FHIP2B: variants seen among roughly 807,000 people sequenced by gnomAD.
FHIP2B encodes FHF complex subunit HOOK-interacting protein 2B.
FHIP2B carries 72 observed loss-of-function variants against 84.0 expected under a neutral mutation model. The observed-to-expected ratio is 0.86, with a 90% confidence interval of 0.71 to 1.04. The LOEUF (loss-of-function observed/expected upper bound fraction) is 1.04, where lower values mean the gene tolerates loss of function less well. Among genes scored for constraint, FHIP2B ranks in the 50% least tolerant of loss-of-function variants. FHIP2B has a pLI of 0.00. For synonymous variants in FHIP2B, 497 were observed against 418.7 expected (o/e 1.19, Z -2.28); for missense variants, 972 against 968.9 (o/e 1.00, Z -0.04).
chr8:22,100,603 A>G lies in FHIP2B; in HGVS notation c.1351A>G (p.Thr451Ala), dbSNP rs772947373. The change falls in exon 11 of 17, where the codon ACC becomes GCC. Residue 451 changes from threonine to alanine, a missense_variant. By Grantham distance (58) the Thr-to-Ala change is moderately conservative (BLOSUM62 0). Coordinates refer to ENST00000289921, the MANE Select transcript of FHIP2B (RefSeq NM_022749.7). ...CDHLSDEISI[T>A]TLRLFEELLQ... The stretch of plus-strand genomic sequence containing the variant: ...CCCCTTCCTGCTCCAGATCAGCATC[A>G]CCACACTCCGGCTGTTTGAGGAGCT... 5.8e-6 allele frequency: 9 copies of G among 1,555,220 alleles called. No individual in the cohort carries two copies. Among genetic ancestry groups the G allele is most frequent in the Non-Finnish European group, 7.8e-6 (9 of 1,151,254 alleles).
In FHIP2B at chr8:22,102,881, C is replaced by T. The variant is rs200666897; in HGVS notation, c.2182C>T (p.Pro728Ser). Residue 728 changes from proline (P) to serine (S), a missense_variant, in exon 17 of 17, where the codon CCA becomes TCA. Physicochemically the swap from Pro to Ser is moderately conservative, Grantham distance 74. Transcript: ENST00000289921. ...LAAIAFVKFP[P>S]HDPRQNVSPA... is the part of the protein sequence containing the mutation. The stretch of plus-strand genomic sequence containing the variant: ...TGCCATTGCCTTCGTCAAGTTTCCC[C>T]CACATGATCCTCGCCAGAACGTCTC... The T allele has an allele frequency of 5.6e-6, 9 of 1,613,796 alleles. No individual in the cohort carries two copies. The East Asian group carries it at 1.8e-4, about 32-fold the overall frequency.
chr8:22,097,997 C>G, intron 5 of FHIP2B, 71 bp from the exon 6 acceptor site: 1 of 1,527,952 alleles, frequency 6.5e-7, no homozygotes, highest in Admixed American at 2.0e-5. Context: ...GGCAGCCCAC[C>G]CTGCGGTCCC....
At position 22,100,854 on chromosome 8, in the gene FHIP2B, G is replaced by A. The variant is rs1310499258; in HGVS notation, c.1498G>A (p.Glu500Lys). Residue 500 changes from glutamate (E) to lysine (K), a missense_variant, in exon 12 of 17, where the codon GAA becomes AAA. Glu to Lys is a moderately conservative substitution (Grantham distance 56). Transcript: ENST00000289921. ...ESYEDTLDLE[E>K]DPYFTDSFLD... The stretch of plus-strand genomic sequence containing the variant: ...CTGCCCTGGCCACAGAGACCTGGAG[G>A]AAGACCCCTACTTCACCGACAGCTT... 6.2e-7 allele frequency: 1 copy of A among 1,613,832 alleles called. No homozygotes were observed. The highest frequency in any genetic ancestry group is 1.7e-5 in the Admixed American group (1 of 60,012).
In FHIP2B at chr8:22,099,783, G is replaced by A; in HGVS notation, c.1231G>A (p.Glu411Lys). ...RQLRSPALLR[E>K]AVAFLLGTDR... ...GCTTCGCTCCCCTGCGCTGCTGCGG[G>A]AGGCCGTGGCTTTCCTCCTGGGCAC... Residue 411 changes from glutamate (E) to lysine (K), a missense_variant, in exon 10 of 17, where the codon GAG becomes AAG. Transcript: ENST00000289921. 6.2e-7 allele frequency: 1 copy of A among 1,612,540 alleles called. No homozygotes were observed. Among genetic ancestry groups the A allele is most frequent in the Non-Finnish European group, 8.5e-7 (1 of 1,179,716 alleles).
chr8:22,099,105 A>T (rs762161675), intron 8 of FHIP2B, 49 bp downstream of exon 8: 1 of 1,518,446 alleles, frequency 6.6e-7, no homozygotes, highest in Admixed American at 1.9e-5. Context: ...TCCCTGTACC[A>T]TCTCCATCTC....
chr8:22,102,536 G>C lies in FHIP2B; in HGVS notation c.2001G>C (p.Gly667=). ...TGTGATTCCCGCTGTAGGTGATCGG[G>C]GACTTGATGCAGAGAATCCAGAGGG... The part of the protein sequence containing the change: ...SLFSVLVRVI[G]DLMQRIQRVP... The change falls in exon 16 of 17, where the codon GGG becomes GGC. Residue 667 remains glycine, a synonymous_variant. Coordinates refer to ENST00000289921, the MANE Select transcript of FHIP2B (RefSeq NM_022749.7). The C allele has an allele frequency of 3.2e-6, 5 of 1,558,008 alleles. No individual in the cohort carries two copies. The highest frequency in any genetic ancestry group is 4.3e-6 in the Non-Finnish European group (5 of 1,151,234).
In FHIP2B at chr8:22,100,937, C is replaced by A. The variant is rs374355615; in HGVS notation, c.1581C>A (p.Tyr527Ter). 1.2e-6 allele frequency: 2 copies of A among 1,613,920 alleles called. No individual in the cohort carries two copies. Among genetic ancestry groups the A allele is most frequent in the African/African-American group, 1.3e-5 (1 of 75,036 alleles). The change falls in exon 12 of 17, where the codon TAC (tyrosine) becomes TAA (stop). Residue 527 changes from tyrosine (Y) to a stop codon, truncating the protein, a stop_gained. Coordinates refer to ENST00000289921, the MANE Select transcript of FHIP2B (RefSeq NM_022749.7). LOFTEE classifies it high-confidence loss of function. The part of the protein sequence containing the change: ...AKPRLAPATS[Y>*]DGKTAVTEIV... ...CTCGCCTAGCTCCTGCTACCAGTTA[C>A]GATGGCAAAACAGCAGTGACCGAGA...
chr8:22,101,065 G>A lies in FHIP2B; in HGVS notation c.1616+93G>A. 2.1e-6 allele frequency: 3 copies of A among 1,461,114 alleles called. No individual in the cohort carries two copies. The South Asian group carries it at 4.0e-5, about 20-fold the overall frequency. The allele number at this position is 1,461,114 out of a possible 1,614,324, so 90.5% of individuals were successfully genotyped here. A position where few individuals can be genotyped will look rare whatever the true frequency, so the allele number is the denominator to read the frequency against. On this transcript the variant is annotated intron_variant, in intron 12 of 16. Transcript: ENST00000289921. Reference sequence around the variant, plus strand: ...GAGTCTCGCTCCGTCACCCAGGATGGAGTGCAGTGGTACAATCTCGGCTCA... The same window carrying A: ...GAGTCTCGCTCCGTCACCCAGGATGAAGTGCAGTGGTACAATCTCGGCTCA...
chr8:22,094,548 C>G (rs774608054), intron 2 of FHIP2B, 30 bp downstream of exon 2: 3 of 1,608,276 alleles, frequency 1.9e-6, no homozygotes, highest in South Asian at 2.2e-5. Flanking sequence ...AGCCCAGGGA[C>G]CCTGGAGGGA....
chr8:22,099,426 G>T (rs753070144), intron 9 of FHIP2B, 66 bp downstream of exon 9: 2 of 1,527,112 alleles, frequency 1.3e-6, no homozygotes, highest in Non-Finnish European at 8.9e-7. Context: ...ACCCAGCCTC[G>T]TCCTGTCCCT....
At chr8:22,099,940 G>A (rs1034788398) in intron 10 of FHIP2B, 47 bp downstream of exon 10, 17 of 1,520,136 alleles carry the variant, frequency 1.1e-5, no homozygotes, top group African/African-American at 4.2e-5. Context: ...ACCCCTGCCA[G>A]AGGGATTTCC....
In FHIP2B at chr8:22,104,652, T is replaced by C. The variant is rs1214588939; in HGVS notation, c.*1721T>C. On this transcript the variant is annotated 3_prime_UTR_variant, in exon 17 of 17. Transcript: ENST00000289921. ...CCACCCCGGAGACACCATGAGGGAATGGACCACGTGGGAGCATCTGTGTGC... is the reference window on the plus strand; with the variant it reads ...CCACCCCGGAGACACCATGAGGGAACGGACCACGTGGGAGCATCTGTGTGC... 3.3e-5 allele frequency: 5 copies of C among 152,250 alleles called. No homozygotes were observed. The East Asian group carries it at 9.7e-4, about 29-fold the overall frequency. The allele number at this position is 152,250 out of a possible 1,614,324, so 9.4% of individuals were successfully genotyped here. A position where few individuals can be genotyped will look rare whatever the true frequency, so the allele number is the denominator to read the frequency against.
rs1204414221 is a variant in FHIP2B at position 22,096,500 on chromosome 8, C to A, written c.288C>A (p.Gly96=). 1.6e-5 allele frequency: 25 copies of A among 1,537,752 alleles called. No homozygotes were observed. In the South Asian group the frequency reaches 1.8e-4, roughly 11 times the overall value. Residue 96 remains glycine, a synonymous_variant, in exon 3 of 17, where the codon GGC becomes GGA. Coordinates refer to ENST00000289921, the MANE Select transcript of FHIP2B (RefSeq NM_022749.7). ...HKILETLCTL[G]KAEYPPGMRQ... ...TCCTGGAGACTCTCTGCACGCTGGG[C>A]AAGGCCGAGGTGGGAGGCCCTCTGC... is the stretch of plus-strand genomic sequence containing the variant.
rs986682370 is a variant in FHIP2B at position 22,096,709 on chromosome 8, C to T, written c.297+200C>T. 1.5e-5 allele frequency: 10 copies of T among 670,166 alleles called. No individual in the cohort carries two copies. In the African/African-American group the frequency reaches 1.5e-4, roughly 10 times the overall value. The allele number at this position is 670,166 out of a possible 1,614,324, so 41.5% of individuals were successfully genotyped here. A position where few individuals can be genotyped will look rare whatever the true frequency, so the allele number is the denominator to read the frequency against. On this transcript the variant is annotated intron_variant, in intron 3 of 16. Coordinates refer to ENST00000289921, the MANE Select transcript of FHIP2B (RefSeq NM_022749.7). ...CCAGGCCTTTCTGCCTATGCTCTTC[C>T]CAGTCCTGACACTGAAAGTGGCAGT...
Position 22,098,537 on chromosome 8 carries a change from C to G in FHIP2B, c.883C>G (p.Arg295Gly), listed in dbSNP as rs200724432. The G allele has an allele frequency of 1.2e-6, 2 of 1,612,696 alleles. No homozygotes were observed. The highest frequency in any genetic ancestry group is 3.3e-5 in the Admixed American group (2 of 59,902). The change falls in exon 7 of 17, where the codon CGG becomes GGG. Residue 295 changes from arginine (R) to glycine (G), a missense_variant. Arg to Gly is a moderately radical substitution (Grantham distance 125). Coordinates refer to ENST00000289921, the MANE Select transcript of FHIP2B (RefSeq NM_022749.7). Reference protein sequence around the residue: ...QSSACCPAIVRHLCQLYRSMP... With the variant: ...QSSACCPAIVGHLCQLYRSMP... Reference sequence around the variant, plus strand: ...CAGCGCCTGCTGCCCTGCGATCGTCCGGCACCTTTGCCAGTTGTACCGGTC... The same window carrying G: ...CAGCGCCTGCTGCCCTGCGATCGTCGGGCACCTTTGCCAGTTGTACCGGTC...
At chr8:22,100,498 C>G (rs1826043657) in intron 10 of FHIP2B, 96 bp from the exon 11 acceptor site, 1 of 1,346,282 alleles carries the variant, frequency 7.4e-7, no homozygotes, top group African/African-American at 1.5e-5. Flanking sequence ...GTGACTCTGC[C>G]TCAGAGGTCT....
chr8:22,094,971 C>T, intron 2 of FHIP2B: 1 of 889,730 alleles, frequency 1.1e-6, no homozygotes, highest in Non-Finnish European at 1.4e-6. Flanking sequence ...AGAACGAAAA[C>T]CAAGGTGGGT....
rs762914300 is a variant in FHIP2B at position 22,100,607 on chromosome 8, C to T, written c.1355C>T (p.Thr452Ile). 49 of 1,566,878 alleles carry T rather than the reference C, an allele frequency of 3.1e-5. No homozygotes were observed. Among genetic ancestry groups the T allele is most frequent in the East Asian group, 2.3e-5 (1 of 44,430 alleles). ...DHLSDEISITTLRLFEELLQK... is the reference protein window; with the variant it reads ...DHLSDEISITILRLFEELLQK... ...TTCCTGCTCCAGATCAGCATCACCA[C>T]ACTCCGGCTGTTTGAGGAGCTGCTG... The change falls in exon 11 of 17, where the codon ACA becomes ATA. Residue 452 changes from threonine to isoleucine, a missense_variant. Coordinates refer to ENST00000289921, the MANE Select transcript of FHIP2B (RefSeq NM_022749.7).
At chr8:22,096,796 C>G in intron 3 of FHIP2B, 1 of 320,272 alleles carries the variant, frequency 3.1e-6, no homozygotes, top group Non-Finnish European at 5.7e-6. Flanking sequence ...ACTCCACCAT[C>G]CCAGCGCTCC....
Sources: allele counts gnomAD v4.1 joint callset, GRCh38; gene constraint gnomAD v4.1.1; transcripts MANE v1.5; gene names NCBI Gene and HGNC (gene_info 2026-07-23, HGNC 2026-07-21).